B9D1: variants seen among roughly 807,000 people sequenced by gnomAD.
B9D1 encodes B9 domain-containing protein 1.
Under a neutral mutation model 26.1 loss-of-function variants are expected in B9D1, and 20 were observed. The observed-to-expected ratio is 0.77, with a 90% confidence interval of 0.54 to 1.12. The LOEUF (loss-of-function observed/expected upper bound fraction) is 1.12. B9D1 is among the 50% of genes most tolerant of loss of function. B9D1 has a pLI of 0.00. For missense variants in B9D1, 260 were observed against 273.7 expected (o/e 0.95, Z 0.35); for synonymous variants, 105 against 103.1 (o/e 1.02, Z -0.11).
intron 5 of B9D1, among the ~76,000 whole-genome samples, chr17:19,346,735 G>A (rs1290228879): frequency 2.6e-5 from 4 of 152,058 alleles, no homozygotes; most frequent in Non-Finnish European, 5.9e-5. Context: ...TGGCCACACT[G>A]CCGTCCTGGC....
intron 3 of B9D1, among the ~76,000 whole-genome samples, chr17:19,350,505 T>G (rs937675759): frequency 7.2e-5 from 11 of 151,996 alleles, no homozygotes; most frequent in Non-Finnish European, 5.9e-5. Context: ...ATCGTGCCAC[T>G]GCACTCCAGC....
At chr17:19,341,197 C>T, downstream of B9D1, 1 of 1,231,516 alleles carries the variant, frequency 8.1e-7, no homozygotes, top group Non-Finnish European at 1.0e-6. Context: ...GGGCCTGAGG[C>T]TTGTACGTGC....
At chr17:19,335,505 G>A (rs917626737), downstream of B9D1, 20 of 1,537,742 alleles carry the variant, frequency 1.3e-5, no homozygotes, top group African/African-American at 5.5e-5. Context: ...CTTAATCCAC[G>A]CTCAGGCTAA....
At chr17:19,363,378 T>C (rs936520215), upstream of B9D1, among the ~76,000 whole-genome samples, 7 of 152,236 alleles carry the variant, frequency 4.6e-5, no homozygotes, top group Admixed American at 1.3e-4. Flanking sequence ...CACGAATCTG[T>C]CAAGATACAG....
upstream of B9D1, among the ~76,000 whole-genome samples, chr17:19,366,563 G>A (rs976063838): frequency 6.6e-6 from 1 of 152,094 alleles, no homozygotes; most frequent in East Asian, 1.9e-4. Context: ...TGGGGAAGTC[G>A]AGGCTCAGAG....
downstream of B9D1, among the ~76,000 whole-genome samples, chr17:19,340,731 G>T (rs1345210535): frequency 6.8e-6 from 1 of 146,704 alleles, no homozygotes; most frequent in Non-Finnish European, 1.5e-5. Flanking sequence ...AGAGGTTGCA[G>T]TCAGCCAGGA....
chr17:19,337,841 A>T (rs1186486003), downstream of B9D1: 7 of 510,294 alleles, frequency 1.4e-5, no homozygotes, highest in Non-Finnish European at 2.4e-5. Flanking sequence ...TGCCAGAATT[A>T]GGCCCTCGGC....
chr17:19,360,173 G>T (rs1024162673), intron 2 of B9D1, 147 bp downstream of exon 2: 6 of 770,010 alleles, frequency 7.8e-6, no homozygotes, highest in Non-Finnish European at 1.1e-5. Context: ...CTCTGCTCCC[G>T]CTTTACCAGG....
intron 1 of B9D1, among the ~76,000 whole-genome samples, chr17:19,375,350 G>C (rs1912057081): frequency 6.6e-6 from 1 of 151,890 alleles, no homozygotes. Context: ...TTCCCCAAAG[G>C]AGACAAATGG....
intron 1 of B9D1, among the ~76,000 whole-genome samples, chr17:19,367,896 T>C (rs1911682308): frequency 6.6e-6 from 1 of 152,182 alleles, no homozygotes; most frequent in African/African-American, 2.4e-5. Flanking sequence ...TCCCGGCATA[T>C]GCAGTGGAGG....
At chr17:19,367,572 G>A (rs187261187), upstream of B9D1, among the ~76,000 whole-genome samples, 4 of 152,074 alleles carry the variant, frequency 2.6e-5, no homozygotes, top group Admixed American at 6.5e-5. Context: ...TTGGCCTCCC[G>A]AAGTGCTGGG....
At chr17:19,373,672 T>G (rs1458206065) in intron 1 of B9D1, among the ~76,000 whole-genome samples, 4 of 152,090 alleles carry the variant, frequency 2.6e-5, no homozygotes, top group Non-Finnish European at 5.9e-5. Flanking sequence ...GTGCCAGGAT[T>G]GAGACACCGC....
chr17:19,356,863 A>G (rs1339145156), intron 3 of B9D1, among the ~76,000 whole-genome samples: 2 of 152,140 alleles, frequency 1.3e-5, no homozygotes, highest in Non-Finnish European at 2.9e-5. Context: ...TGTCCTCGGC[A>G]GGAGGAGGTT....
chr17:19,356,179 C>T (rs996550610), intron 3 of B9D1, among the ~76,000 whole-genome samples: 2 of 152,074 alleles, frequency 1.3e-5, no homozygotes, highest in African/African-American at 4.8e-5. Flanking sequence ...GCAGCCTCGA[C>T]CTCCTAGGCT....
At chr17:19,376,445 C>A (rs952269314) in intron 1 of B9D1, among the ~76,000 whole-genome samples, 1 of 151,860 alleles carries the variant, frequency 6.6e-6, no homozygotes, top group Admixed American at 6.6e-5. Context: ...CTCTCTATAG[C>A]CTGCTACTGG....
intron 3 of B9D1, among the ~76,000 whole-genome samples, chr17:19,351,269 G>T (rs114394803): frequency 0.01 from 1,550 of 152,250 alleles, 26 homozygotes; most frequent in African/African-American, 0.035. Context: ...GAGCCACTGT[G>T]CCTGGCCAAC....
chr17:19,343,450 GGACAC>G lies in B9D1; in HGVS notation c.479_483del (p.Arg160ProfsTer23). The G allele has an allele frequency of 6.2e-7, 1 of 1,614,172 alleles. No homozygotes were observed. Among genetic ancestry groups the G allele is most frequent in the African/African-American group, 1.3e-5 (1 of 75,038 alleles). ...AGGAGGGTGACAAAGCCCTGAGAAC[GGACAC>G]GGGTCACTGGGGACAGAAGGGCAGC... is the stretch of plus-strand genomic sequence containing the variant. On this transcript the variant is annotated frameshift_variant, in exon 7 of 7. Transcript: ENST00000261499. LOFTEE classifies it low-confidence loss of function (END_TRUNC).
chr17:19,336,734 C>T (rs949460857), downstream of B9D1: 14 of 152,612 alleles, frequency 9.2e-5, no homozygotes, highest in African/African-American at 3.4e-4. Context: ...CTGGCTGTGT[C>T]CTTCTCCCAC....
downstream of B9D1, among the ~76,000 whole-genome samples, chr17:19,340,045 C>CG (rs1475136826): frequency 1.5e-5 from 2 of 133,418 alleles, no homozygotes; most frequent in African/African-American, 5.2e-5. Context: ...CCCCCCCCCC[C>CG]CCCGGCTTCC....
Sources: allele counts gnomAD v4.1 joint callset (sites outside exome capture counted in the v4.1 genomes callset), GRCh38; gene constraint gnomAD v4.1.1; transcripts MANE v1.5; gene names NCBI Gene and HGNC (gene_info 2026-07-23, HGNC 2026-07-21).